Variants in LRGUK observed in about 807,000 individuals in gnomAD.
LRGUK encodes leucine-rich repeat and guanylate kinase domain-containing protein.
LRGUK carries 65 observed loss-of-function variants against 76.0 expected under a neutral mutation model. That is an observed-to-expected ratio of 0.85 (90% CI 0.70 to 1.05). The LOEUF is 1.05. Ranked by LOEUF, LRGUK falls within the 50% of genes least tolerant of loss-of-function variation. The pLI, the probability that LRGUK is intolerant of heterozygous loss-of-function variation, is 0.00. For missense variants in LRGUK, 758 were observed against 732.8 expected, an observed-to-expected ratio of 1.03 and a Z score of -0.40; for synonymous variants, 268 against 265.6, an observed-to-expected ratio of 1.01 and a Z score of -0.09.
Position 134,127,677 on chromosome 7 carries a change from C to T in LRGUK, c.297+13C>T, listed in dbSNP as rs763046896. 1.9e-6 allele frequency: 3 copies of T among 1,605,816 alleles called. No individual in the cohort carries two copies. Among genetic ancestry groups the T allele is most frequent in the East Asian group, 2.2e-5 (1 of 44,712 alleles). ...GCTGAATTTGGAGGTGTGTCTTCCC[C>T]CCCACCCCGTACTCCCTGGCTCCCT... On this transcript the variant is annotated intron_variant, in intron 1 of 15. Coordinates refer to ENST00000645682, the Ensembl canonical transcript of LRGUK.
chr7:134,178,385 AATT>A (rs1264288965), intron 9 of LRGUK, 115 bp from the exon 10 acceptor site: 5 of 633,998 alleles, frequency 7.9e-6, no homozygotes, highest in Non-Finnish European at 1.3e-5. Context: ...GTGTGTGTTA[AATT>A]ATTTTGTGTA....
intron 16 of LRGUK, among the ~76,000 whole-genome samples, chr7:134,242,244 A>G (rs1369336448): frequency 1.3e-5 from 2 of 152,132 alleles, no homozygotes; most frequent in African/African-American, 4.8e-5. Context: ...AAAACCCTTC[A>G]AAAATCAATG....
chr7:134,157,343 G>T (rs1481474667), intron 5 of LRGUK, among the ~76,000 whole-genome samples: 1 of 152,210 alleles, frequency 6.6e-6, no homozygotes, highest in Non-Finnish European at 1.5e-5. Flanking sequence ...AATGCATGGT[G>T]CATGTTGCCC....
chr7:134,222,893 C>T (rs1234934916), intron 16 of LRGUK, among the ~76,000 whole-genome samples: 1 of 152,086 alleles, frequency 6.6e-6, no homozygotes, highest in Non-Finnish European at 1.5e-5. Context: ...CCACCATGCC[C>T]CGCCAAGGAT....
At chr7:134,150,569 A>G (rs1485819479) in intron 5 of LRGUK, among the ~76,000 whole-genome samples, 1 of 152,076 alleles carries the variant, frequency 6.6e-6, no homozygotes. Flanking sequence ...GAATTCAGCA[A>G]TTAGGGTTCC....
downstream of LRGUK, among the ~76,000 whole-genome samples, chr7:134,211,158 C>T (rs1394940506): frequency 6.6e-6 from 1 of 152,216 alleles, no homozygotes; most frequent in East Asian, 1.9e-4. Flanking sequence ...AATCTGCACT[C>T]CTGTGCCTCT....
intron 16 of LRGUK, among the ~76,000 whole-genome samples, chr7:134,224,485 A>G (rs1027598449): frequency 6.6e-6 from 1 of 152,178 alleles, no homozygotes; most frequent in Non-Finnish European, 1.5e-5. Flanking sequence ...GTTCTTACTT[A>G]TAAATGATGA....
At chr7:134,189,391 A>G (rs1800105734) in intron 11 of LRGUK, among the ~76,000 whole-genome samples, 1 of 152,094 alleles carries the variant, frequency 6.6e-6, no homozygotes, top group Admixed American at 6.6e-5. Context: ...AGATGTTCAT[A>G]TTTGGGCAGC....
At chr7:134,139,642 C>A (rs1797685623) in intron 3 of LRGUK, 125 bp downstream of exon 3, 2 of 598,198 alleles carry the variant, frequency 3.3e-6, no homozygotes, top group Admixed American at 3.7e-5. Flanking sequence ...ACATATTGAT[C>A]CTTTGCTTTC....
intron 7 of LRGUK, among the ~76,000 whole-genome samples, chr7:134,164,325 G>A (rs1480711916): frequency 6.6e-6 from 1 of 152,066 alleles, no homozygotes; most frequent in Non-Finnish European, 1.5e-5. Context: ...AAGAGAAGAG[G>A]CACAGGAAGG....
Position 134,135,946 on chromosome 7 carries a change from G to A in LRGUK, c.298-1077G>A, listed in dbSNP as rs150401195. Among the ~76,000 whole-genome samples, 420 of 152,306 alleles carry A rather than the reference G, an allele frequency of 2.8e-3. 2 individuals are homozygous for A. The highest frequency in any genetic ancestry group is 4.8e-3 in the Non-Finnish European group (326 of 68,020). On this transcript the variant is annotated intron_variant, in intron 1 of 15. Transcript: ENST00000645682. Reference sequence around the variant, plus strand: ...GCTGGGATTACAGGCGTGAGCCACCGCGCCCGGCAAGAAGCTCTTTATCAT... The same window carrying A: ...GCTGGGATTACAGGCGTGAGCCACCACGCCCGGCAAGAAGCTCTTTATCAT...
At chr7:134,153,242 G>C (rs1798306222) in intron 5 of LRGUK, among the ~76,000 whole-genome samples, 1 of 151,930 alleles carries the variant, frequency 6.6e-6, no homozygotes, top group Non-Finnish European at 1.5e-5. Flanking sequence ...TAGTAATACT[G>C]ACAGTGTAAT....
intron 10 of LRGUK, among the ~76,000 whole-genome samples, chr7:134,180,660 A>T (rs1799702147): frequency 6.6e-6 from 1 of 151,918 alleles, no homozygotes; most frequent in Non-Finnish European, 1.5e-5. Context: ...CTACCACCAA[A>T]ATGATTCCTG....
At chr7:134,270,086 C>G in the LRGUK span, among the ~76,000 whole-genome samples, 2 of 151,982 alleles carry the variant, frequency 1.3e-5, no homozygotes, top group Non-Finnish European at 2.9e-5. Context: ...GAAGTTCAAG[C>G]CAGTGCAATA....
At chr7:134,273,907 T>C in the LRGUK span, among the ~76,000 whole-genome samples, 5 of 152,164 alleles carry the variant, frequency 3.3e-5, no homozygotes, top group Admixed American at 6.5e-5. Context: ...ATATTAACTA[T>C]GTGGTTCCCA....
At chr7:134,225,209 T>C (rs1162698279) in intron 16 of LRGUK, among the ~76,000 whole-genome samples, 2 of 146,556 alleles carry the variant, frequency 1.4e-5, no homozygotes, top group African/African-American at 5.1e-5. Flanking sequence ...ATGAAGACAG[T>C]ATGGGGAAAC....
chr7:134,135,952 G>A (rs376082197), intron 1 of LRGUK, among the ~76,000 whole-genome samples: 13 of 152,288 alleles, frequency 8.5e-5, no homozygotes, highest in East Asian at 3.9e-4. Context: ...CACCGCGCCC[G>A]GCAAGAAGCT....
At chr7:134,127,820 CCT>C (rs556322391) in intron 1 of LRGUK, among the ~76,000 whole-genome samples, 156 bp downstream of exon 1, 212 of 151,972 alleles carry the variant, frequency 1.4e-3, no homozygotes, top group African/African-American at 4.9e-3. Context: ...CTTTTCTTCC[CCT>C]GTCTTTTACC....
At chr7:134,226,459 G>A (rs772002154) in intron 16 of LRGUK, among the ~76,000 whole-genome samples, 31 of 152,142 alleles carry the variant, frequency 2.0e-4, no homozygotes, top group Non-Finnish European at 3.7e-4. Flanking sequence ...ACAAAATAAC[G>A]AGGCTGGTTT....
Sources: allele counts gnomAD v4.1 joint callset (sites outside exome capture counted in the v4.1 genomes callset), GRCh38; gene constraint gnomAD v4.1.1; transcripts MANE v1.5; gene names NCBI Gene and HGNC (gene_info 2026-07-23, HGNC 2026-07-21).